CFAP299: variants seen among roughly 807,000 people sequenced by gnomAD.
CFAP299 encodes cilia and flagella associated protein 299, also known as cilia- and flagella-associated protein 299.
Under a neutral mutation model 27.0 loss-of-function variants are expected in CFAP299, and 21 were observed. That is an observed-to-expected ratio of 0.78 (90% CI 0.55 to 1.12). The LOEUF (loss-of-function observed/expected upper bound fraction) is 1.12, where lower values mean the gene tolerates loss of function less well. Among genes scored for constraint, CFAP299 ranks in the 50% most tolerant of loss-of-function variants. The pLI, the probability that CFAP299 is intolerant of heterozygous loss-of-function variation, is 0.00. For missense variants in CFAP299, 310 were observed against 276.6 expected (o/e 1.12, Z -0.86); for synonymous variants, 104 against 98.1 (o/e 1.06, Z -0.36).
At chr4:80,365,558 A>G (rs770779221) in intron 2 of CFAP299, among the ~76,000 whole-genome samples, 2 of 152,234 alleles carry the variant, frequency 1.3e-5, no homozygotes, top group Non-Finnish European at 2.9e-5. Context: ...AATTTACCGA[A>G]CATAGTTATT....
At chr4:80,887,421 G>T (rs79132816) in intron 4 of CFAP299, among the ~76,000 whole-genome samples, 7,594 of 151,616 alleles carry the variant, frequency 0.05, 327 homozygotes, top group East Asian at 0.15. Flanking sequence ...AGGATAGAGT[G>T]GTATGACATA....
intron 2 of CFAP299, among the ~76,000 whole-genome samples, chr4:80,513,570 C>G (rs1397579327): frequency 6.6e-6 from 1 of 152,074 alleles, no homozygotes; most frequent in African/African-American, 2.4e-5. Flanking sequence ...CGTTTGGAAG[C>G]TATGCATTTG....
chr4:80,694,660 A>G (rs1720976242), intron 3 of CFAP299, among the ~76,000 whole-genome samples: 1 of 152,210 alleles, frequency 6.6e-6, no homozygotes, highest in Admixed American at 6.5e-5. Context: ...GCTCTCTTTC[A>G]AATGTTTCAG....
At chr4:80,644,259 A>G (rs1463186768) in intron 3 of CFAP299, among the ~76,000 whole-genome samples, 1 of 152,168 alleles carries the variant, frequency 6.6e-6, no homozygotes, top group East Asian at 1.9e-4. Context: ...AAACAATATA[A>G]AAGGATACAA....
At chr4:80,666,836 A>G (rs1211179137) in intron 3 of CFAP299, among the ~76,000 whole-genome samples, 1 of 152,198 alleles carries the variant, frequency 6.6e-6, no homozygotes, top group Non-Finnish European at 1.5e-5. Flanking sequence ...GTGGAGCTGT[A>G]TGACTTTTTG....
At chr4:80,359,261 T>C (rs1723426485) in intron 1 of CFAP299, among the ~76,000 whole-genome samples, 1 of 152,178 alleles carries the variant, frequency 6.6e-6, no homozygotes, top group Non-Finnish European at 1.5e-5. Flanking sequence ...AGTTTTTCTT[T>C]CATTTTAATC....
At chr4:80,655,134 CTA>C (rs888057048) in intron 3 of CFAP299, among the ~76,000 whole-genome samples, 3 of 152,042 alleles carry the variant, frequency 2.0e-5, no homozygotes, top group Non-Finnish European at 2.9e-5. Context: ...AGTTTGTGTA[CTA>C]TACAGAATAA....
chr4:80,558,873 T>C (rs929146198), intron 2 of CFAP299, among the ~76,000 whole-genome samples: 1 of 152,064 alleles, frequency 6.6e-6, no homozygotes, highest in Non-Finnish European at 1.5e-5. Context: ...ACTCTAAAAG[T>C]ACAAGAGTAA....
chr4:80,939,140 T>A (rs762248282), intron 4 of CFAP299, among the ~76,000 whole-genome samples: 3 of 152,232 alleles, frequency 2.0e-5, no homozygotes, highest in Non-Finnish European at 2.9e-5. Context: ...TTAGAATGTG[T>A]CTCAGTGAAG....
chr4:80,806,748 G>T (rs1367136943), intron 3 of CFAP299, among the ~76,000 whole-genome samples: 1 of 152,180 alleles, frequency 6.6e-6, no homozygotes, highest in Non-Finnish European at 1.5e-5. Context: ...GGTGAAAGTG[G>T]CAGCCTTCTT....
chr4:80,560,122 A>G lies in CFAP299; in HGVS notation c.243-22971A>G, dbSNP rs533563861. Among the ~76,000 whole-genome samples, 9 of 152,104 alleles carry G rather than the reference A, an allele frequency of 5.9e-5. No homozygotes were observed. In the South Asian group the frequency reaches 1.9e-3, roughly 32 times the overall value. On this transcript the variant is annotated intron_variant, in intron 2 of 5. Transcript: ENST00000358105. The stretch of plus-strand genomic sequence containing the variant: ...AAGAGTGGGGAGGACTTTGTCTTGC[A>G]TCTATGATACCAGCTCAGCCACAGG...
At chr4:80,645,350 T>C (rs1307531637) in intron 3 of CFAP299, among the ~76,000 whole-genome samples, 6 of 121,922 alleles carry the variant, frequency 4.9e-5, no homozygotes, top group Non-Finnish European at 9.7e-5. Context: ...ACCTACCTTC[T>C]TTTAGCCTTA....
Position 80,457,425 on chromosome 4 carries a change from G to A in CFAP299, c.242+94541G>A, listed in dbSNP as rs148948787. On this transcript the variant is annotated intron_variant, in intron 2 of 5. Transcript: ENST00000358105. ...CCATGTGCCACAGATTCTGTGCTTT[G>A]GATGTGTCACAGGAGCAGCCCTCAG... Among the ~76,000 whole-genome samples, 770 of 152,252 alleles carry A rather than the reference G, an allele frequency of 5.1e-3. 4 individuals carry two copies. Among genetic ancestry groups the A allele is most frequent in the Middle Eastern group, 0.017 (5 of 294 alleles).
chr4:80,400,400 C>T (rs550921560), intron 2 of CFAP299, among the ~76,000 whole-genome samples: 54 of 152,204 alleles, frequency 3.5e-4, no homozygotes, highest in African/African-American at 1.3e-3. Context: ...ATTGTATCTC[C>T]CAGAATTCCC....
rs141033346 is a variant in CFAP299 at position 80,899,599 on chromosome 4, G to C, written c.476+29464G>C. Among the ~76,000 whole-genome samples the C allele has an allele frequency of 4.3e-4, 66 of 152,300 alleles. 1 individual carries two copies. Among genetic ancestry groups the C allele is most frequent in the African/African-American group, 1.4e-3 (60 of 41,572 alleles). On this transcript the variant is annotated intron_variant, in intron 4 of 5. Transcript: ENST00000358105. ...AGGCAAGGACAGACCAAGTGAACTT[G>C]AGAGAGGTGCTTTTAAACTAGGCAT... is the stretch of plus-strand genomic sequence containing the variant.
chr4:80,773,347 A>G (rs970297931), intron 3 of CFAP299, among the ~76,000 whole-genome samples: 1 of 152,126 alleles, frequency 6.6e-6, no homozygotes, highest in Non-Finnish European at 1.5e-5. Flanking sequence ...GAGGCTATTG[A>G]CTGAAAATGC....
intron 3 of CFAP299, among the ~76,000 whole-genome samples, chr4:80,628,667 C>G (rs992100269): frequency 6.6e-6 from 1 of 151,968 alleles, no homozygotes; most frequent in Admixed American, 6.6e-5. Flanking sequence ...AAATTAGGAG[C>G]CATGAAACTG....
At chr4:80,821,888 C>A (rs1729727478) in intron 3 of CFAP299, among the ~76,000 whole-genome samples, 1 of 149,674 alleles carries the variant, frequency 6.7e-6, no homozygotes. Flanking sequence ...TGGCTCAGTA[C>A]ACAACACACA....
chr4:80,772,922 T>C (rs1055339706), intron 3 of CFAP299, among the ~76,000 whole-genome samples: 25 of 152,268 alleles, frequency 1.6e-4, no homozygotes, highest in Admixed American at 1.5e-3. Flanking sequence ...ATGTTTATTG[T>C]AGCACTATTT....
Sources: gnomAD v4.1 joint callset for allele counts (sites outside exome capture counted in the v4.1 genomes callset) on GRCh38, gnomAD v4.1.1 for gene constraint, MANE v1.5 for transcripts, NCBI Gene and HGNC (gene_info 2026-07-23, HGNC 2026-07-21) for gene names.